Variants in CRISPLD2 observed in about 807,000 individuals in gnomAD.
The protein encoded by CRISPLD2 is cysteine rich secretory protein LCCL domain containing 2.
CRISPLD2 carries 47 observed loss-of-function variants against 71.1 expected under a neutral mutation model. The observed-to-expected ratio is 0.66, with a 90% CI of 0.52 to 0.84. CRISPLD2 has a LOEUF of 0.84. Ranked by LOEUF, CRISPLD2 falls within the 40% of genes least tolerant of loss-of-function variation. The probability of loss-of-function intolerance (pLI) is 0.00; values close to 1 mark genes in which losing one functional copy is unlikely to be tolerated. For missense variants in CRISPLD2, 830 were observed against 651.1 expected (o/e 1.27, Z -2.99); for synonymous variants, 317 against 250.1 (o/e 1.27, Z -2.52).
chr16:84,837,792 A>AC (rs1157626708), intron 1 of CRISPLD2, among the ~76,000 whole-genome samples: 1 of 152,138 alleles, frequency 6.6e-6, no homozygotes, highest in Non-Finnish European at 1.5e-5. Context: ...ATTGAGAATA[A>AC]CATAAACGAC....
intron 13 of CRISPLD2, among the ~76,000 whole-genome samples, chr16:84,886,947 C>T (rs774207): frequency 0.44 from 66,701 of 152,154 alleles, 15,988 homozygotes; most frequent in East Asian, 0.63. Context: ...ATCTGAAACC[C>T]TGTACCCACT....
chr16:84,873,080 C>G lies in CRISPLD2; in HGVS notation c.1070C>G (p.Pro357Arg), dbSNP rs770036422. The change falls in exon 10 of 15, where the codon CCC becomes CGC. Residue 357 changes from proline to arginine, a missense_variant. By Grantham distance (103) the Pro-to-Arg change is moderately radical (BLOSUM62 -2). Coordinates refer to ENST00000262424, the MANE Select transcript of CRISPLD2 (RefSeq NM_031476.4). Reference protein sequence around the residue: ...LVDITRNGKVPFFVKSERHGV... With the variant: ...LVDITRNGKVRFFVKSERHGV... ...GATATCACCAGGAACGGGAAGGTCC[C>G]CTTCTTCGTGAAGTCTGAGAGACAC... 6.2e-7 allele frequency: 1 copy of G among 1,614,032 alleles called. No homozygotes were observed. The highest frequency in any genetic ancestry group is 8.5e-7 in the Non-Finnish European group (1 of 1,179,956).
At chr16:84,863,897 C>T (rs1917460208) in intron 6 of CRISPLD2, among the ~76,000 whole-genome samples, 1 of 138,742 alleles carries the variant, frequency 7.2e-6, no homozygotes, top group African/African-American at 2.8e-5. Flanking sequence ...GCGGAGGTTG[C>T]AGTGAGCCGA....
At position 84,885,812 on chromosome 16, in the gene CRISPLD2, C is replaced by A. The variant is rs190963645; in HGVS notation, c.1306-3418C>A. The stretch of plus-strand genomic sequence containing the variant: ...TTAATGTGGGAATGTTGGATCCCTT[C>A]TTTTTTTTTTTTTTTTTTTTTTGAG... On this transcript the variant is annotated intron_variant, in intron 13 of 14. Transcript: ENST00000262424. 6.6e-3 allele frequency among the ~76,000 whole-genome samples: 629 copies of A among 95,780 alleles called. 7 individuals carry two copies. Among genetic ancestry groups the A allele is most frequent in the African/African-American group, 0.025 (608 of 24,786 alleles). The allele number at this position is 95,780 out of a possible 152,430, so 62.8% of individuals were successfully genotyped here. A position where few individuals can be genotyped will look rare whatever the true frequency, so the allele number is the denominator to read the frequency against.
chr16:84,830,498 G>A (rs974766791), intron 1 of CRISPLD2, among the ~76,000 whole-genome samples: 1 of 152,160 alleles, frequency 6.6e-6, no homozygotes, highest in African/African-American at 2.4e-5. Context: ...GAGGTCAGGA[G>A]TTCAAGACCA....
intron 1 of CRISPLD2, among the ~76,000 whole-genome samples, chr16:84,837,870 G>T (rs1218419528): frequency 1.3e-5 from 2 of 152,228 alleles, no homozygotes; most frequent in Non-Finnish European, 2.9e-5. Context: ...GCTGGACGTG[G>T]TTCTGGGCAG....
chr16:84,845,934 C>T (rs767018932), intron 3 of CRISPLD2, 30 bp downstream of exon 3: 12 of 1,448,262 alleles, frequency 8.3e-6, no homozygotes, highest in South Asian at 2.3e-5. Context: ...CTCCGGCTGC[C>T]GCAGGACCCC....
intron 14 of CRISPLD2, among the ~76,000 whole-genome samples, chr16:84,895,029 C>G (rs1209408751): frequency 6.6e-5 from 10 of 152,222 alleles, no homozygotes; most frequent in Non-Finnish European, 1.3e-4. Context: ...GTTCTCTGTG[C>G]TCTGCAGAGG....
intron 2 of CRISPLD2, among the ~76,000 whole-genome samples, chr16:84,845,398 C>G (rs982404286): frequency 6.6e-6 from 1 of 152,188 alleles, no homozygotes; most frequent in Non-Finnish European, 1.5e-5. Flanking sequence ...GGAGAGGAGA[C>G]TGGGGTCATC....
chr16:84,887,611 T>G (rs1454398678), intron 13 of CRISPLD2, among the ~76,000 whole-genome samples: 2 of 152,218 alleles, frequency 1.3e-5, no homozygotes, highest in Admixed American at 1.3e-4. Context: ...GCGCGGCGGC[T>G]CACGCCTGTA....
rs1000233011 is a variant in CRISPLD2, at chr16:84,908,800, T to C, written c.*2158T>C. ...GCCTCCCGGGTTCAAGCAATTCTCA[T>C]GCATCAGCCTCCCAAGTACCTGGGA... On this transcript the variant is annotated 3_prime_UTR_variant, in exon 15 of 15. Transcript: ENST00000262424. 3 of 150,906 alleles carry C rather than the reference T, an allele frequency of 2.0e-5. No homozygotes were observed. Among genetic ancestry groups the C allele is most frequent in the African/African-American group, 7.3e-5 (3 of 40,992 alleles). 9.3% of individuals were successfully genotyped at this position (150,906 alleles called of 1,614,324 possible).
intron 14 of CRISPLD2, among the ~76,000 whole-genome samples, chr16:84,892,923 C>T (rs908040125): frequency 6.7e-6 from 1 of 148,614 alleles, no homozygotes; most frequent in Non-Finnish European, 1.5e-5. Flanking sequence ...TTGCACTGAG[C>T]CGAGATTCCA....
intron 13 of CRISPLD2, among the ~76,000 whole-genome samples, chr16:84,882,597 G>A (rs1054414729): frequency 5.3e-5 from 8 of 152,100 alleles, no homozygotes; most frequent in African/African-American, 1.9e-4. Flanking sequence ...TAGAGACGGG[G>A]TTTCACCATG....
chr16:84,847,913 C>T lies in CRISPLD2; in HGVS notation c.360-1472C>T, dbSNP rs75503006. 2.0e-3 allele frequency among the ~76,000 whole-genome samples: 310 copies of T among 152,264 alleles called. 2 individuals carry two copies. Among genetic ancestry groups the T allele is most frequent in the African/African-American group, 7.2e-3 (300 of 41,548 alleles). On this transcript the variant is annotated intron_variant, in intron 3 of 14. Coordinates refer to ENST00000262424, the MANE Select transcript of CRISPLD2 (RefSeq NM_031476.4). ...TCGCCCTGCAAATGCCCTAATGATCCCTCTGTGGACAGACCAAAGTTGACC... is the reference window on the plus strand; with the variant it reads ...TCGCCCTGCAAATGCCCTAATGATCTCTCTGTGGACAGACCAAAGTTGACC...
chr16:84,873,806 A>T lies in CRISPLD2; in HGVS notation c.1113-114A>T, dbSNP rs565862031. ...CAGGCTGATAGGAAACAAGTAGAAA[A>T]GTGTGAAGTCGAGACTGCAAATAAG... On this transcript the variant is annotated intron_variant, in intron 10 of 14. Transcript: ENST00000262424. The T allele has an allele frequency of 4.0e-5, 38 of 953,414 alleles. No individual in the cohort carries two copies. In the Admixed American group the frequency reaches 9.0e-4, roughly 23 times the overall value. 59.1% of individuals were successfully genotyped at this position (953,414 alleles called of 1,614,324 possible). A position where few individuals can be genotyped will look rare whatever the true frequency, so the allele number is the denominator to read the frequency against.
intron 6 of CRISPLD2, chr16:84,862,960 C>G (rs1440495907): frequency 6.6e-6 from 1 of 152,186 alleles, no homozygotes; most frequent in Admixed American, 6.5e-5. Flanking sequence ...GATCTGGACA[C>G]TAAGACAGAC....
chr16:84,835,824 C>T (rs150458046), intron 1 of CRISPLD2, among the ~76,000 whole-genome samples: 1 of 152,176 alleles, frequency 6.6e-6, no homozygotes, highest in Non-Finnish European at 1.5e-5. Context: ...AGTCAGATCT[C>T]CTGGGATAGC....
rs753577527 is a variant in CRISPLD2 at position 84,838,618 on chromosome 16, C to T, written c.123C>T (p.Asn41=). ...LEELLSKYQH[N]ESHSRVRRAI... Reference sequence around the variant, plus strand: ...AGCTGCTCAGCAAATACCAGCACAACGAGTCTCACTCCCGGGTCCGCAGAG... The same window carrying T: ...AGCTGCTCAGCAAATACCAGCACAATGAGTCTCACTCCCGGGTCCGCAGAG... Residue 41 remains asparagine (N), a synonymous_variant, in exon 2 of 15, where the codon AAC becomes AAT. Coordinates refer to ENST00000262424, the MANE Select transcript of CRISPLD2 (RefSeq NM_031476.4). 9 of 1,614,248 alleles carry T rather than the reference C, an allele frequency of 5.6e-6. No individual in the cohort carries two copies. The highest frequency in any genetic ancestry group is 3.3e-5 in the Admixed American group (2 of 60,036).
At position 84,889,133 on chromosome 16, in the gene CRISPLD2, C is replaced by T. The variant is rs548229492; in HGVS notation, c.1306-97C>T. On this transcript the variant is annotated intron_variant, in intron 13 of 14. Coordinates refer to ENST00000262424, the MANE Select transcript of CRISPLD2 (RefSeq NM_031476.4). Reference sequence around the variant, plus strand: ...AGGGTTGATGGGGTCCACATCCCACCAGCCAGGTTGCCCAGCAGTGAATGA... The same window carrying T: ...AGGGTTGATGGGGTCCACATCCCACTAGCCAGGTTGCCCAGCAGTGAATGA... The T allele has an allele frequency of 4.8e-5, 73 of 1,528,118 alleles. 1 individual carries two copies. In the African/African-American group the frequency reaches 7.5e-4, roughly 16 times the overall value. The allele number at this position is 1,528,118 out of a possible 1,614,324, so 94.7% of individuals were successfully genotyped here.
Sources: gnomAD v4.1 joint callset for allele counts (sites outside exome capture counted in the v4.1 genomes callset) on GRCh38, gnomAD v4.1.1 for gene constraint, MANE v1.5 for transcripts, NCBI Gene and HGNC (gene_info 2026-07-23, HGNC 2026-07-21) for gene names.